HIVEP3: variants seen among roughly 807,000 people sequenced by gnomAD.
HIVEP3 encodes HIVEP zinc finger 3, also known as transcription factor HIVEP3.
HIVEP3 carries 49 observed loss-of-function variants against 152.8 expected under a neutral mutation model. The ratio of observed to expected loss-of-function variants is 0.32; its 90% CI spans 0.26 to 0.41. The LOEUF (loss-of-function observed/expected upper bound fraction) is 0.41. Ranked by LOEUF, HIVEP3 falls within the 10% of genes least tolerant of loss-of-function variation. The pLI is 1.00. For synonymous variants in HIVEP3, 1,269 were observed against 1,289.0 expected, an observed-to-expected ratio of 0.98 and a Z score of 0.33; for missense variants, 2,790 against 3,103.3, an observed-to-expected ratio of 0.90 and a Z score of 2.40.
intron 1 of HIVEP3, among the ~76,000 whole-genome samples, chr1:41,916,954 G>A (rs1012734115): frequency 6.6e-6 from 1 of 152,130 alleles, no homozygotes; most frequent in African/African-American, 2.4e-5. Context: ...AGCAATTACT[G>A]GCTGAAAGAG....
intron 1 of HIVEP3, among the ~76,000 whole-genome samples, chr1:41,905,838 GTACCCACC>G (rs2124459209): frequency 1.3e-5 from 2 of 152,252 alleles, no homozygotes; most frequent in East Asian, 3.9e-4. Flanking sequence ...AAAAACAGAA[GTACCCACC>G]TGGTGACAGG....
At chr1:41,513,797 C>A in intron 7 of HIVEP3, 47 bp from the exon 8 acceptor site, 1 of 1,449,690 alleles carries the variant, frequency 6.9e-7, no homozygotes, top group Non-Finnish European at 9.2e-7. Flanking sequence ...GGCCTTGGCC[C>A]CACTGCCCAC....
In HIVEP3 at chr1:41,509,220, C is replaced by T. The variant is rs1435309187; in HGVS notation, c.*1231G>A. ...TGAAGTATCAAACACCATCCTCTCT[C>T]TTTTTAAAAAAGAGGTGTAAGACAG... On this transcript the variant is annotated 3_prime_UTR_variant, in exon 9 of 9. Transcript: ENST00000372583. 1.3e-5 allele frequency: 2 copies of T among 152,090 alleles called. No individual in the cohort carries two copies. The highest frequency in any genetic ancestry group is 2.9e-5 in the Non-Finnish European group (2 of 68,022). The allele number at this position is 152,090 out of a possible 1,614,324, so 9.4% of individuals were successfully genotyped here.
At chr1:41,817,484 TGAG>T (rs1278944370) in intron 1 of HIVEP3, among the ~76,000 whole-genome samples, 1 of 151,998 alleles carries the variant, frequency 6.6e-6, no homozygotes, top group African/African-American at 2.4e-5. Flanking sequence ...GCTGGAGAAA[TGAG>T]GACACTGCCT....
At chr1:41,569,434 C>T in intron 5 of HIVEP3, among the ~76,000 whole-genome samples, 1 of 152,200 alleles carries the variant, frequency 6.6e-6, no homozygotes, top group East Asian at 1.9e-4. Context: ...AAGGCTCCAA[C>T]TTATTACCAC....
chr1:41,615,407 C>T lies in HIVEP3; in HGVS notation c.-522+13342G>A, dbSNP rs549246878. On this transcript the variant is annotated intron_variant, in intron 3 of 8. Coordinates refer to ENST00000372583, the MANE Select transcript of HIVEP3 (RefSeq NM_024503.5). The stretch of plus-strand genomic sequence containing the variant: ...CTGGAGAACCCTCAGCCTGGCTTCC[C>T]CATCACACCACGCAAGCTTAGAGCT... Among the ~76,000 whole-genome samples the T allele has an allele frequency of 2.6e-5, 4 of 152,332 alleles. No individual in the cohort carries two copies. The South Asian group carries it at 8.3e-4, about 32-fold the overall frequency.
intron 1 of HIVEP3, among the ~76,000 whole-genome samples, chr1:41,749,189 G>C (rs1479996758): frequency 6.6e-6 from 1 of 152,202 alleles, no homozygotes; most frequent in Non-Finnish European, 1.5e-5. Context: ...GGTATGATGG[G>C]TGTAAAAAGA....
At chr1:41,560,985 G>T (rs1280333034) in intron 5 of HIVEP3, among the ~76,000 whole-genome samples, 1 of 152,204 alleles carries the variant, frequency 6.6e-6, no homozygotes, top group African/African-American at 2.4e-5. Context: ...CTTCAAGGAA[G>T]ATCAGCTTCC....
chr1:41,689,032 A>C (rs1472503781), intron 2 of HIVEP3, among the ~76,000 whole-genome samples: 1 of 152,202 alleles, frequency 6.6e-6, no homozygotes, highest in African/African-American at 2.4e-5. Context: ...TTCTAAAAAA[A>C]ATCTTTTTGG....
At chr1:41,897,576 C>T (rs1183140663) in intron 1 of HIVEP3, among the ~76,000 whole-genome samples, 1 of 152,160 alleles carries the variant, frequency 6.6e-6, no homozygotes, top group Non-Finnish European at 1.5e-5. Flanking sequence ...GTGAGCAGTA[C>T]ATAAATTACC....
intron 1 of HIVEP3, among the ~76,000 whole-genome samples, chr1:41,878,384 C>T (rs892041773): frequency 3.3e-5 from 5 of 152,152 alleles, no homozygotes; most frequent in Admixed American, 6.5e-5. Flanking sequence ...TGCTGTATTT[C>T]AATGGAACCA....
At chr1:41,729,537 A>G (rs1354428584) in intron 1 of HIVEP3, among the ~76,000 whole-genome samples, 1 of 152,162 alleles carries the variant, frequency 6.6e-6, no homozygotes, top group Non-Finnish European at 1.5e-5. Context: ...TTTATTCTGA[A>G]TGGGTCCCCG....
At chr1:41,517,197 C>G (rs535069665) in intron 7 of HIVEP3, among the ~76,000 whole-genome samples, 425 of 152,338 alleles carry the variant, frequency 2.8e-3, no homozygotes, top group African/African-American at 6.9e-3. Flanking sequence ...TCAGGCTCCC[C>G]TGGTCCAGCC....
intron 2 of HIVEP3, among the ~76,000 whole-genome samples, chr1:41,633,951 G>T (rs1276885168): frequency 6.6e-6 from 1 of 152,152 alleles, no homozygotes; most frequent in Admixed American, 6.5e-5. Flanking sequence ...CTACAAAAAT[G>T]CTTGGAATCA....
At chr1:41,673,847 GAT>G (rs1645914216) in intron 2 of HIVEP3, among the ~76,000 whole-genome samples, 1 of 152,172 alleles carries the variant, frequency 6.6e-6, no homozygotes, top group African/African-American at 2.4e-5. Context: ...GAAGAGAGAG[GAT>G]GAGAACAAAA....
chr1:41,821,333 AG>A (rs1409130293), intron 1 of HIVEP3, among the ~76,000 whole-genome samples: 3 of 152,218 alleles, frequency 2.0e-5, no homozygotes, highest in African/African-American at 7.2e-5. Flanking sequence ...AATCAAATGT[AG>A]GCATGCATCC....
At chr1:41,610,998 A>G (rs776549595) in intron 3 of HIVEP3, among the ~76,000 whole-genome samples, 10 of 152,182 alleles carry the variant, frequency 6.6e-5, no homozygotes, top group Admixed American at 2.0e-4. Context: ...TGCAGTTCAT[A>G]CAGGCTTTCT....
intron 1 of HIVEP3, among the ~76,000 whole-genome samples, chr1:41,742,989 T>C (rs115704837): frequency 1.2e-3 from 188 of 152,278 alleles, no homozygotes; most frequent in African/African-American, 4.3e-3. Flanking sequence ...ACAGAACTAA[T>C]TTCATGGGGC....
At chr1:41,597,673 C>A (rs1252771365) in intron 3 of HIVEP3, among the ~76,000 whole-genome samples, 4 of 152,208 alleles carry the variant, frequency 2.6e-5, no homozygotes, top group Non-Finnish European at 5.9e-5. Flanking sequence ...ACACCAGCCT[C>A]ACAGAGAGGA....
Sources: allele counts gnomAD v4.1 joint callset (sites outside exome capture counted in the v4.1 genomes callset), GRCh38; gene constraint gnomAD v4.1.1; transcripts MANE v1.5; gene names NCBI Gene and HGNC (gene_info 2026-07-23, HGNC 2026-07-21).